The following TIAM2 variants were observed in gnomAD, a reference collection of about 807,000 sequenced individuals.
TIAM2 encodes TIAM Rac1 associated GEF 2, also known as rho guanine nucleotide exchange factor TIAM2.
A neutral mutation model predicts 152.9 loss-of-function variants in TIAM2; 80 were observed. That is an observed-to-expected ratio of 0.52 (90% CI 0.44 to 0.63). The LOEUF (loss-of-function observed/expected upper bound fraction) is 0.63. Ranked by LOEUF, TIAM2 falls within the 30% of genes least tolerant of loss-of-function variation. The pLI is 0.00. For missense variants in TIAM2, 1,965 were observed against 2,120.1 expected (o/e 0.93, Z 1.44); for synonymous variants, 804 against 838.0 (o/e 0.96, Z 0.70).
intron 1 of TIAM2, among the ~76,000 whole-genome samples, chr6:155,059,594 A>T (rs1562303913): frequency 6.6e-6 from 1 of 152,000 alleles, no homozygotes; most frequent in African/African-American, 2.4e-5. Flanking sequence ...GGGATTACAG[A>T]TGAGAGCCAC....
At chr6:155,022,877 G>A (rs1264004586) in intron 1 of TIAM2, among the ~76,000 whole-genome samples, 1 of 152,166 alleles carries the variant, frequency 6.6e-6, no homozygotes, top group Non-Finnish European at 1.5e-5. Context: ...AAAGCATTTC[G>A]AGGGCCTGCT....
intron 15 of TIAM2, among the ~76,000 whole-genome samples, chr6:155,231,811 G>C (rs1276084324): frequency 1.3e-5 from 2 of 152,218 alleles, no homozygotes; most frequent in Non-Finnish European, 2.9e-5. Flanking sequence ...ATGGTGGCTT[G>C]CGCCTGTAAT....
rs1262965518 is a variant in TIAM2 at position 155,186,343 on chromosome 6, G to C, written c.3064+2843G>C. ...GAGGTGCAGTCTACACAGCTCTGCA[G>C]ATGGGCCCTGGAATGAGCCCCAGCT... On this transcript the variant is annotated intron_variant, in intron 14 of 26. Coordinates refer to ENST00000682666, the MANE Select transcript of TIAM2 (RefSeq NM_012454.4). The surrounding 1 kb of genome is among the most constrained non-coding windows in gnomAD (Gnocchi z 4.5). Among the ~76,000 whole-genome samples the C allele has an allele frequency of 1.3e-5, 2 of 152,166 alleles. No homozygotes were observed. The highest frequency in any genetic ancestry group is 2.9e-5 in the Non-Finnish European group (2 of 68,024).
chr6:155,244,599 G>T, intron 17 of TIAM2, 59 bp from the exon 18 acceptor site: 1 of 1,577,774 alleles, frequency 6.3e-7, no homozygotes, highest in South Asian at 1.2e-5. Flanking sequence ...CTAAGAGTTA[G>T]CGTGGTGTCC....
chr6:155,113,385 T>C (rs1778907841), intron 2 of TIAM2, among the ~76,000 whole-genome samples: 1 of 152,132 alleles, frequency 6.6e-6, no homozygotes, highest in Non-Finnish European at 1.5e-5. Context: ...CCCATTTCCT[T>C]CTTTACTATT....
At chr6:155,198,690 A>AAAAAAAAAC (rs1781408545) in intron 14 of TIAM2, among the ~76,000 whole-genome samples, 1 of 138,934 alleles carries the variant, frequency 7.2e-6, no homozygotes, top group African/African-American at 2.6e-5. Context: ...AAAAAAAAAA[A>AAAAAAAAAC]TCTCTTAATG....
intron 2 of TIAM2, 43 bp downstream of exon 2, chr6:155,090,422 T>C (rs1423983890): frequency 6.6e-6 from 1 of 152,224 alleles, no homozygotes; most frequent in East Asian, 1.9e-4. Flanking sequence ...TTTAAAAGTA[T>C]ATGTCAGTCT....
chr6:155,029,442 A>ATATAAT (rs1562295107), intron 1 of TIAM2, among the ~76,000 whole-genome samples: 3 of 2,924 alleles, frequency 1.0e-3, no homozygotes, highest in East Asian at 6.9e-3. Flanking sequence ...TATATATTAT[A>ATATAAT]CTATAGTATA....
At chr6:155,136,565 C>A (rs1326373596) in intron 4 of TIAM2, among the ~76,000 whole-genome samples, 2 of 152,218 alleles carry the variant, frequency 1.3e-5, no homozygotes, top group Non-Finnish European at 2.9e-5. Context: ...TGAGCCACCT[C>A]GCCATCTATT....
chr6:155,241,266 C>T (rs1783019957), intron 16 of TIAM2, among the ~76,000 whole-genome samples: 1 of 152,192 alleles, frequency 6.6e-6, no homozygotes, highest in Admixed American at 6.5e-5. Context: ...CTCATAAGCC[C>T]CCAGTCAGTG....
rs79923542 is a variant in TIAM2 at position 155,005,245 on chromosome 6, G to A, written c.-209+9753G>A. On this transcript the variant is annotated intron_variant, in intron 1 of 26. Coordinates refer to ENST00000682666, the MANE Select transcript of TIAM2 (RefSeq NM_012454.4). ...TTCCACAATAAAAATGAGGAATTCC[G>A]TCTGGAAGCAGGCCAGGCATCCTGA... The A allele has an allele frequency of 3.2e-3, 730 of 227,276 alleles. 10 individuals are homozygous for A. The highest frequency in any genetic ancestry group is 0.015 in the African/African-American group (654 of 43,578). The allele number at this position is 227,276 out of a possible 1,614,324, so 14.1% of individuals were successfully genotyped here. A position where few individuals can be genotyped will look rare whatever the true frequency, so the allele number is the denominator to read the frequency against.
chr6:155,050,782 T>A (rs559423137), intron 1 of TIAM2, among the ~76,000 whole-genome samples: 2 of 152,358 alleles, frequency 1.3e-5, no homozygotes, highest in African/African-American at 4.8e-5. Flanking sequence ...TTTTTCTAAA[T>A]GTACAACTTT....
intron 1 of TIAM2, among the ~76,000 whole-genome samples, chr6:155,046,992 A>G (rs1777189824): frequency 6.6e-6 from 1 of 152,182 alleles, no homozygotes; most frequent in Admixed American, 6.5e-5. Flanking sequence ...GTTTGGGGTA[A>G]GGAAGCGAGA....
chr6:155,057,737 G>A (rs1373882589), intron 1 of TIAM2, among the ~76,000 whole-genome samples: 1 of 151,340 alleles, frequency 6.6e-6, no homozygotes, highest in East Asian at 2.0e-4. Flanking sequence ...GTAGAGATGG[G>A]GTTCCACTAT....
At chr6:155,076,683 C>T (rs1335796249) in intron 1 of TIAM2, among the ~76,000 whole-genome samples, 1 of 152,090 alleles carries the variant, frequency 6.6e-6, no homozygotes, top group Non-Finnish European at 1.5e-5. Context: ...TTGAAATTCA[C>T]ATCCTTTTCT....
intron 1 of TIAM2, among the ~76,000 whole-genome samples, chr6:155,029,194 CTG>C (rs1443995018): frequency 1.1e-5 from 1 of 87,534 alleles, no homozygotes. Flanking sequence ...GTTATATACA[CTG>C]TATGTACTAT....
chr6:155,055,809 AAC>A (rs1305161622), intron 1 of TIAM2, among the ~76,000 whole-genome samples: 1 of 152,050 alleles, frequency 6.6e-6, no homozygotes, highest in Admixed American at 6.6e-5. Flanking sequence ...CTAAAAATAA[AAC>A]ACATTTTCAG....
intron 12 of TIAM2, among the ~76,000 whole-genome samples, chr6:155,181,753 T>A (rs1334626309): frequency 6.6e-6 from 1 of 152,264 alleles, no homozygotes; most frequent in Non-Finnish European, 1.5e-5. Context: ...CTCTAGCTAC[T>A]CACGTAAATA....
chr6:155,206,244 A>G (rs940683903), intron 14 of TIAM2, among the ~76,000 whole-genome samples: 5 of 151,938 alleles, frequency 3.3e-5, no homozygotes, highest in African/African-American at 4.8e-5. Flanking sequence ...CCTTGTCCAC[A>G]GCATGGTTTT....
Sources: allele counts gnomAD v4.1 joint callset (sites outside exome capture counted in the v4.1 genomes callset), GRCh38; gene constraint gnomAD v4.1.1; non-coding constraint Gnocchi (gnomAD v3.1); transcripts MANE v1.5; gene names NCBI Gene and HGNC (gene_info 2026-07-23, HGNC 2026-07-21).